The following NDUFA7 variants were observed in gnomAD, a reference collection of about 807,000 sequenced individuals.
NDUFA7 encodes the protein NADH:ubiquinone oxidoreductase subunit A7, also known as NADH dehydrogenase [ubiquinone] 1 alpha subcomplex subunit 7.
A neutral mutation model predicts 14.2 loss-of-function variants in NDUFA7; 18 were observed. The observed-to-expected ratio is 1.27, with a 90% CI of 0.88 to 1.88. The LOEUF (loss-of-function observed/expected upper bound fraction) is 1.88, where lower values mean the gene tolerates loss of function less well. Ranked by LOEUF, NDUFA7 falls within the 40% of genes most tolerant of loss-of-function variation. The pLI is 0.00. For synonymous variants in NDUFA7, 75 were observed against 62.1 expected, an observed-to-expected ratio of 1.21 and a Z score of -0.98; for missense variants, 172 against 147.3, an observed-to-expected ratio of 1.17 and a Z score of -0.87.
chr19:8,316,872 C>A, intron 2 of NDUFA7: 1 of 527,570 alleles, frequency 1.9e-6, no homozygotes, highest in Admixed American at 3.3e-5. Flanking sequence ...AGATGCCACC[C>A]CCAGGGACCC....
Position 8,316,634 on chromosome 19 carries a change from G to A in NDUFA7, c.113C>T (p.Pro38Leu). ...YQEISKRTQPPPKLPVGPSHK... is the reference protein window; with the variant it reads ...YQEISKRTQPLPKLPVGPSHK... ...GCTAGGACCCACAGGGAGCTTGGGA[G>A]GAGGCTGAGTTCTGAGGGGAAAAAA... The change falls in exon 3 of 4, where the codon CCT (proline) becomes CTT (leucine). Residue 38 changes from proline to leucine, a missense_variant. Pro to Leu is a moderately conservative substitution (Grantham distance 98). Transcript: ENST00000301457. The A allele has an allele frequency of 6.2e-7, 1 of 1,614,064 alleles. No individual in the cohort carries two copies. Among genetic ancestry groups the A allele is most frequent in the Non-Finnish European group, 8.5e-7 (1 of 1,179,978 alleles).
At chr19:8,313,314 T>C (rs1171403207) in intron 3 of NDUFA7, among the ~76,000 whole-genome samples, 1 of 151,510 alleles carries the variant, frequency 6.6e-6, no homozygotes, top group Non-Finnish European at 1.5e-5. Flanking sequence ...AGCTGCAAGC[T>C]CCGCCTCCCG....
chr19:8,311,484 G>T lies in NDUFA7; in HGVS notation c.*21C>A. 6.4e-7 allele frequency: 1 copy of T among 1,573,148 alleles called. No homozygotes were observed. Among genetic ancestry groups the T allele is most frequent in the South Asian group, 1.1e-5 (1 of 87,460 alleles). ...GAAATCCAAGGAGGCAAAGTAGTCG[G>T]GTGGCCGTGAGGGTGCAGTGTCACA... On this transcript the variant is annotated 3_prime_UTR_variant, in exon 4 of 4. Transcript: ENST00000301457.
At chr19:8,316,718 C>A in intron 2 of NDUFA7, 73 bp from the exon 3 acceptor site, 2 of 1,549,408 alleles carry the variant, frequency 1.3e-6, no homozygotes, top group South Asian at 1.2e-5. Flanking sequence ...GCCCCTGTCA[C>A]CTCAGTCACA....
chr19:8,317,190 A>G (rs1970245685), intron 2 of NDUFA7, among the ~76,000 whole-genome samples: 1 of 152,196 alleles, frequency 6.6e-6, no homozygotes, highest in Non-Finnish European at 1.5e-5. Context: ...TCTGGAGCCC[A>G]GAGAGGGGTG....
At position 8,316,580 on chromosome 19, in the gene NDUFA7, G is replaced by C; in HGVS notation, c.167C>G (p.Thr56Ser). 1.9e-6 allele frequency: 3 copies of C among 1,614,184 alleles called. No homozygotes were observed. Among genetic ancestry groups the C allele is most frequent in the Non-Finnish European group, 1.7e-6 (2 of 1,180,044 alleles). ...CACAGATTCCCGGCGGCCATCGCGA[G>C]TGCAATAGTAATTGTTGGAGAGCTT... ...SHKLSNNYYC[T>S]RDGRRESVPP... is the part of the protein sequence containing the mutation. Residue 56 changes from threonine (T) to serine (S), a missense_variant, in exon 3 of 4, where the codon ACT becomes AGT. By Grantham distance (58) the Thr-to-Ser change is moderately conservative. Transcript: ENST00000301457.
intron 2 of NDUFA7, among the ~76,000 whole-genome samples, chr19:8,318,608 G>A (rs1237442666): frequency 7.2e-6 from 1 of 139,812 alleles, no homozygotes; most frequent in Non-Finnish European, 1.5e-5. Flanking sequence ...CGAGGCTGCA[G>A]TGAGCTATGA....
At chr19:8,316,148 CAA>C (rs60161246) in intron 3 of NDUFA7, among the ~76,000 whole-genome samples, 1,672 of 80,562 alleles carry the variant, frequency 0.021, 31 homozygotes, top group African/African-American at 0.067. Flanking sequence ...GACTCCGTCT[CAA>C]AAAAAAAAAA....
At chr19:8,310,993 G>T (rs1970170564), downstream of NDUFA7, among the ~76,000 whole-genome samples, 5 of 152,182 alleles carry the variant, frequency 3.3e-5, no homozygotes, top group Admixed American at 3.3e-4. Flanking sequence ...CAGCCTGGGT[G>T]ACAAGCGCGA....
intron 1 of NDUFA7, 86 bp downstream of exon 1, chr19:8,321,222 T>A: frequency 7.1e-7 from 1 of 1,406,040 alleles, no homozygotes; most frequent in African/African-American, 1.4e-5. Context: ...GGGTCCCGGC[T>A]TAGGAGGGAG....
chr19:8,312,033 C>T (rs1291867580), intron 3 of NDUFA7, among the ~76,000 whole-genome samples: 1 of 152,256 alleles, frequency 6.6e-6, no homozygotes, highest in Non-Finnish European at 1.5e-5. Context: ...GCAGGCGCTA[C>T]TGTGTGGGCG....
intron 2 of NDUFA7, chr19:8,316,954 C>A (rs981725012): frequency 7.8e-6 from 2 of 257,696 alleles, no homozygotes; most frequent in Middle Eastern, 2.4e-3. Flanking sequence ...TGTCCCCATG[C>A]CCCCCACCCC....
At chr19:8,317,240 G>A (rs1238429823) in intron 2 of NDUFA7, among the ~76,000 whole-genome samples, 1 of 152,168 alleles carries the variant, frequency 6.6e-6, no homozygotes, top group Non-Finnish European at 1.5e-5. Flanking sequence ...CCCTGGGCTG[G>A]ATTTACCTGG....
intron 3 of NDUFA7, among the ~76,000 whole-genome samples, chr19:8,313,705 G>A (rs1970204257): frequency 6.6e-6 from 1 of 152,246 alleles, no homozygotes; most frequent in Non-Finnish European, 1.5e-5. Context: ...CAGGAGTCCA[G>A]GAAAACTGGT....
intron 1 of NDUFA7, 80 bp from the exon 2 acceptor site, chr19:8,320,986 G>T: frequency 6.6e-7 from 1 of 1,505,384 alleles, no homozygotes; most frequent in Non-Finnish European, 9.2e-7. Flanking sequence ...ACCAGGGATG[G>T]TCCGGGGATG....
chr19:8,319,687 T>C (rs1970278009), intron 2 of NDUFA7: 1 of 152,080 alleles, frequency 6.6e-6, no homozygotes, highest in Non-Finnish European at 1.5e-5. Context: ...TTCATTATAA[T>C]CCTCAATGAC....
chr19:8,316,332 G>A (rs561974720), intron 3 of NDUFA7, among the ~76,000 whole-genome samples, 164 bp downstream of exon 3: 3 of 152,084 alleles, frequency 2.0e-5, no homozygotes, highest in East Asian at 3.9e-4. Context: ...CTCTAAAAAC[G>A]AGTAAATGAG....
At chr19:8,313,609 C>T (rs1056596706) in intron 3 of NDUFA7, among the ~76,000 whole-genome samples, 10 of 152,246 alleles carry the variant, frequency 6.6e-5, no homozygotes, top group African/African-American at 2.4e-4. Context: ...AGTCTAGCAT[C>T]CCTATTTTAT....
downstream of NDUFA7, chr19:8,308,839 G>A (rs1238598125): frequency 6.6e-6 from 1 of 152,232 alleles, no homozygotes; most frequent in Non-Finnish European, 1.5e-5. Context: ...GTAAACATTT[G>A]GTGAGTAAAT....
Sources: gnomAD v4.1 joint callset for allele counts (sites outside exome capture counted in the v4.1 genomes callset) on GRCh38, gnomAD v4.1.1 for gene constraint, MANE v1.5 for transcripts, NCBI Gene and HGNC (gene_info 2026-07-23, HGNC 2026-07-21) for gene names.